The following RPS6KA1 variants were observed in gnomAD, a reference collection of about 807,000 sequenced individuals.
The protein encoded by RPS6KA1 is ribosomal protein S6 kinase A1.
Under a neutral mutation model 91.3 loss-of-function variants are expected in RPS6KA1, and 48 were observed. That is an observed-to-expected ratio of 0.53 (90% CI 0.42 to 0.67). RPS6KA1 has a LOEUF of 0.67. Ranked by LOEUF, RPS6KA1 falls within the 30% of genes least tolerant of loss-of-function variation. The probability of loss-of-function intolerance (pLI) is 0.00; values close to 1 mark genes in which losing one functional copy is unlikely to be tolerated. For synonymous variants in RPS6KA1, 359 were observed against 384.7 expected (o/e 0.93, Z 0.78); for missense variants, 719 against 960.5 (o/e 0.75, Z 3.32).
At chr1:26,556,811 G>A (rs1462620269) in intron 12 of RPS6KA1, 93 bp downstream of exon 12, 1 of 1,465,254 alleles carries the variant, frequency 6.8e-7, no homozygotes, top group Non-Finnish European at 9.6e-7. Context: ...GCCAGCGAGG[G>A]CCCCAGACGC....
At chr1:26,563,712 C>T (rs2076174464) in intron 17 of RPS6KA1, among the ~76,000 whole-genome samples, 1 of 152,208 alleles carries the variant, frequency 6.6e-6, no homozygotes, top group Non-Finnish European at 1.5e-5. Flanking sequence ...TGTCTGTCGG[C>T]TGCCTCCTGG....
In RPS6KA1 at chr1:26,555,314, G is replaced by A; in HGVS notation, c.827+93G>A. 7.8e-7 allele frequency: 1 copy of A among 1,288,070 alleles called. No individual in the cohort carries two copies. Among genetic ancestry groups the A allele is most frequent in the African/African-American group, 1.5e-5 (1 of 68,424 alleles). 79.8% of individuals were successfully genotyped at this position (1,288,070 alleles called of 1,614,324 possible). On this transcript the variant is annotated intron_variant, in intron 10 of 21. Coordinates refer to ENST00000374168, the MANE Select transcript of RPS6KA1 (RefSeq NM_002953.4). The surrounding 1 kb of genome is among the most constrained non-coding windows in gnomAD (Gnocchi z 4.3). ...ATATTATTACCCTGTCCCTGCCTCA[G>A]CTACCCTCTCTAATGAGACTCTCCT...
intron 17 of RPS6KA1, among the ~76,000 whole-genome samples, chr1:26,565,117 T>C (rs1356347532): frequency 6.6e-6 from 1 of 152,076 alleles, no homozygotes; most frequent in African/African-American, 2.4e-5. Flanking sequence ...TAGGAGTGTA[T>C]GTGTCTCCAA....
chr1:26,558,855 G>T lies in RPS6KA1; in HGVS notation c.1133G>T (p.Gly378Val). ...GCTGGGGCCCATCAGCTGTTCCGGG[G>T]CTTCAGCTTCGTGGCCACCGGCCTG... ...PSAGAHQLFRGFSFVATGLME... is the reference protein window; with the variant it reads ...PSAGAHQLFRVFSFVATGLME... The change falls in exon 14 of 22, where the codon GGC becomes GTC. Residue 378 changes from glycine to valine, a missense_variant. Physicochemically the swap from Gly to Val is moderately radical, Grantham distance 109 (BLOSUM62 -3). This residue lies in a region of RPS6KA1 where 228 missense variants were observed against 247.6 expected (regional missense o/e 0.92). Coordinates refer to ENST00000374168, the MANE Select transcript of RPS6KA1 (RefSeq NM_002953.4). This position sits in a 1 kb window ranked among gnomAD's most constrained non-coding sequence, Gnocchi z 4.0. The T allele has an allele frequency of 1.9e-6, 3 of 1,613,836 alleles. No homozygotes were observed. Among genetic ancestry groups the T allele is most frequent in the Non-Finnish European group, 2.5e-6 (3 of 1,179,718 alleles).
intron 2 of RPS6KA1, chr1:26,543,990 G>T: frequency 2.3e-6 from 1 of 439,408 alleles, no homozygotes; most frequent in Non-Finnish European, 4.7e-6. Context: ...AGATCTCAGA[G>T]GTGGGTCTGC....
chr1:26,552,896 G>T, intron 6 of RPS6KA1: 1 of 363,678 alleles, frequency 2.7e-6, no homozygotes, highest in African/African-American at 2.2e-5. Flanking sequence ...CCCATCTATA[G>T]GTAAACATTT....
intron 19 of RPS6KA1, 76 bp from the exon 20 acceptor site, chr1:26,572,100 C>A: frequency 7.3e-7 from 1 of 1,372,534 alleles, no homozygotes; most frequent in Non-Finnish European, 1.0e-6. Flanking sequence ...GAGGGGGAGA[C>A]ACAGTCTCCC....
intron 17 of RPS6KA1, among the ~76,000 whole-genome samples, chr1:26,568,928 G>C (rs1292421314): frequency 6.6e-6 from 1 of 152,022 alleles, no homozygotes; most frequent in Non-Finnish European, 1.5e-5. Flanking sequence ...GGGCGTAGTG[G>C]CTCACACCTG....
chr1:26,548,281 G>A (rs1263305656), intron 4 of RPS6KA1, among the ~76,000 whole-genome samples: 2 of 152,038 alleles, frequency 1.3e-5, no homozygotes, highest in Non-Finnish European at 2.9e-5. Flanking sequence ...CCGACAGTGT[G>A]GTGCAGCCGG....
chr1:26,554,774 A>T lies in RPS6KA1; in HGVS notation c.756+36A>T. 1.9e-6 allele frequency: 3 copies of T among 1,571,864 alleles called. No individual in the cohort carries two copies. The highest frequency in any genetic ancestry group is 2.6e-6 in the Non-Finnish European group (3 of 1,152,686). On this transcript the variant is annotated intron_variant, in intron 9 of 21. Transcript: ENST00000374168. This position sits in a 1 kb window ranked among gnomAD's most constrained non-coding sequence, Gnocchi z 4.6. The stretch of plus-strand genomic sequence containing the variant: ...AGACAGGGGTAAAGGATCCAGCCCA[A>T]GCCTCTGGCCTCAGTCTCCCTATCT...
chr1:26,529,960 G>A lies in RPS6KA1; in HGVS notation c.40G>A (p.Glu14Lys). Reference protein sequence around the residue: ...AQLKEPWPLMELVPLDPENGQ... With the variant: ...AQLKEPWPLMKLVPLDPENGQ... ...GCTCAAGGAGCCCTGGCCGCTCATG[G>A]AGCTAGTGCCTCTGGACCCGGAGGT... Residue 14 changes from glutamate (E) to lysine (K), a missense_variant, in exon 1 of 22, where the codon GAG becomes AAG. This residue lies in a region of RPS6KA1 where 57 missense variants were observed against 55.8 expected (regional missense o/e 1.02). Transcript: ENST00000374168. The surrounding 1 kb of genome is among the most constrained non-coding windows in gnomAD (Gnocchi z 4.2). 1 of 1,430,952 alleles carries A rather than the reference G, an allele frequency of 7.0e-7. No individual in the cohort carries two copies. Among genetic ancestry groups the A allele is most frequent in the Non-Finnish European group, 9.1e-7 (1 of 1,093,086 alleles). 88.6% of individuals were successfully genotyped at this position (1,430,952 alleles called of 1,614,324 possible).
At chr1:26,565,543 T>TTTTTTTTTCTTTTCTTTTC (rs2076192110) in intron 17 of RPS6KA1, among the ~76,000 whole-genome samples, 1 of 148,028 alleles carries the variant, frequency 6.8e-6, no homozygotes, top group African/African-American at 2.5e-5. Flanking sequence ...TGAATTTATT[T>TTTTTTTTTCTTTTCTTTTC]TTTTCTTTTC....
At position 26,544,538 on chromosome 1, in the gene RPS6KA1, G is replaced by A. The variant is rs189517209; in HGVS notation, c.109-2329G>A. Among the ~76,000 whole-genome samples, 7 of 150,278 alleles carry A rather than the reference G, an allele frequency of 4.7e-5. No individual in the cohort carries two copies. In the East Asian group the frequency reaches 1.2e-3, roughly 26 times the overall value. On this transcript the variant is annotated intron_variant, in intron 2 of 21. Transcript: ENST00000374168. ...CGCCCAGGCTGGAGTGCGGTGGTGC[G>A]ATCTTGGCTCACTGCAGCCTCCCCC...
chr1:26,554,370 G>A lies in RPS6KA1; in HGVS notation c.613+119G>A. The A allele has an allele frequency of 8.1e-7, 1 of 1,234,218 alleles. No homozygotes were observed. Among genetic ancestry groups the A allele is most frequent in the Non-Finnish European group, 1.1e-6 (1 of 882,458 alleles). The allele number at this position is 1,234,218 out of a possible 1,614,324, so 76.5% of individuals were successfully genotyped here. A position where few individuals can be genotyped will look rare whatever the true frequency, so the allele number is the denominator to read the frequency against. ...GAGAAGCCGTGCCAGTTACTTGGAA[G>A]TGGTCAAAAACTCAGGCCTCAGACT... On this transcript the variant is annotated intron_variant, in intron 8 of 21. Coordinates refer to ENST00000374168, the MANE Select transcript of RPS6KA1 (RefSeq NM_002953.4). The surrounding 1 kb of genome is among the most constrained non-coding windows in gnomAD (Gnocchi z 4.6).
rs753311116 is a variant in RPS6KA1, at chr1:26,547,139, G to A, written c.226-50G>A. The A allele has an allele frequency of 6.3e-6, 10 of 1,587,754 alleles. No individual in the cohort carries two copies. In the South Asian group the frequency reaches 1.1e-4, roughly 18 times the overall value. ...CTCAGAGAAGATAGAGGTCAGCCTG[G>A]ACTCAGACCTCTCCCATCTTCTGCC... On this transcript the variant is annotated intron_variant, in intron 3 of 21. Coordinates refer to ENST00000374168, the MANE Select transcript of RPS6KA1 (RefSeq NM_002953.4). The surrounding 1 kb of genome is among the most constrained non-coding windows in gnomAD (Gnocchi z 4.1).
In RPS6KA1 at chr1:26,561,969, A is replaced by G. The variant is rs1361031865; in HGVS notation, c.1590+306A>G. ...TGTAATCCCAGCAACTTGGGAGGGC[A>G]ACGCAGGTGGATCACTTGAGGTCAG... On this transcript the variant is annotated intron_variant, in intron 17 of 21. Transcript: ENST00000374168. This position sits in a 1 kb window ranked among gnomAD's most constrained non-coding sequence, Gnocchi z 5.7. 6.6e-6 allele frequency among the ~76,000 whole-genome samples: 1 copy of G among 152,130 alleles called. No individual in the cohort carries two copies. The highest frequency in any genetic ancestry group is 1.5e-5 in the Non-Finnish European group (1 of 68,012).
intron 13 of RPS6KA1, among the ~76,000 whole-genome samples, chr1:26,557,868 G>T (rs1264825836): frequency 6.9e-6 from 1 of 144,080 alleles, no homozygotes; most frequent in Non-Finnish European, 1.5e-5. Flanking sequence ...TCGCTCTGTT[G>T]CCCAGGCTGG....
At chr1:26,563,390 G>A (rs1162518312) in intron 17 of RPS6KA1, among the ~76,000 whole-genome samples, 1 of 151,390 alleles carries the variant, frequency 6.6e-6, no homozygotes, top group African/African-American at 2.4e-5. Context: ...ACCACACCTG[G>A]CTAATTTTGT....
In RPS6KA1 at chr1:26,561,450, A is replaced by G. The variant is rs1043685448; in HGVS notation, c.1432-55A>G. On this transcript the variant is annotated intron_variant, in intron 16 of 21. Transcript: ENST00000374168. The surrounding 1 kb of genome is among the most constrained non-coding windows in gnomAD (Gnocchi z 5.7). ...TCCCTGCTCTGGGGCGCTGCTGACCAGGGGGCTCAGGCCTGACACTGGGGA... is the reference window on the plus strand; with the variant it reads ...TCCCTGCTCTGGGGCGCTGCTGACCGGGGGGCTCAGGCCTGACACTGGGGA... 14 of 1,611,192 alleles carry G rather than the reference A, an allele frequency of 8.7e-6. No individual in the cohort carries two copies. The East Asian group carries it at 1.3e-4, about 15-fold the overall frequency.
Sources: gnomAD v4.1 joint callset for allele counts (sites outside exome capture counted in the v4.1 genomes callset) on GRCh38, gnomAD v4.1.1 for gene constraint, gnomAD v4.1.1 regional missense constraint, Gnocchi (gnomAD v3.1) non-coding constraint, MANE v1.5 for transcripts, NCBI Gene and HGNC (gene_info 2026-07-23, HGNC 2026-07-21) for gene names.